ASPRV1: variants seen among roughly 807,000 people sequenced by gnomAD.
ASPRV1 encodes retroviral-like aspartic protease 1.
ASPRV1 carries 7 observed loss-of-function variants against 11.0 expected under a neutral mutation model. The ratio of observed to expected loss-of-function variants is 0.64; its 90% CI spans 0.36 to 1.20. ASPRV1 has a LOEUF of 1.20. Ranked by LOEUF, ASPRV1 falls within the 50% of genes most tolerant of loss-of-function variation. The probability of loss-of-function intolerance (pLI) is 0.02; values close to 1 mark genes in which losing one functional copy is unlikely to be tolerated. For missense variants in ASPRV1, 299 were observed against 320.0 expected (o/e 0.93, Z 0.50); for synonymous variants, 136 against 138.4 (o/e 0.98, Z 0.12).
the ASPRV1 span, among the ~76,000 whole-genome samples, chr2:70,067,402 G>A: frequency 1.1e-4 from 17 of 152,322 alleles, no homozygotes; most frequent in Non-Finnish European, 1.9e-4. Flanking sequence ...GATCTGGGCT[G>A]GAGATTTGGG....
chr2:70,054,928 T>C, the ASPRV1 span, among the ~76,000 whole-genome samples: 5 of 152,192 alleles, frequency 3.3e-5, no homozygotes, highest in African/African-American at 1.2e-4. Flanking sequence ...CCATCATACA[T>C]ACATACATAC....
the ASPRV1 span, among the ~76,000 whole-genome samples, chr2:69,978,828 C>G: frequency 6.6e-6 from 1 of 152,162 alleles, no homozygotes; most frequent in Non-Finnish European, 1.5e-5. Flanking sequence ...AACTCCCAGA[C>G]GATGGGTGAC....
chr2:70,064,585 G>A, the ASPRV1 span, among the ~76,000 whole-genome samples: 2 of 152,192 alleles, frequency 1.3e-5, no homozygotes, highest in South Asian at 2.1e-4. Context: ...ACAATGAAGA[G>A]CACACGCAAA....
chr2:70,037,311 C>T, the ASPRV1 span, among the ~76,000 whole-genome samples: 1 of 152,142 alleles, frequency 6.6e-6, no homozygotes, highest in African/African-American at 2.4e-5. Flanking sequence ...AGCAATCTGC[C>T]TGCCTCAACT....
chr2:69,970,878 T>G, the ASPRV1 span: 1 of 152,140 alleles, frequency 6.6e-6, no homozygotes, highest in Non-Finnish European at 1.5e-5. Context: ...CAAAGTTGCC[T>G]TTTTTTGGCC....
At chr2:70,018,812 A>C in the ASPRV1 span, among the ~76,000 whole-genome samples, 17 of 152,370 alleles carry the variant, frequency 1.1e-4, no homozygotes, top group East Asian at 3.1e-3. Flanking sequence ...CTGAAACTGT[A>C]ACACTACTAG....
At chr2:70,037,792 C>T in the ASPRV1 span, among the ~76,000 whole-genome samples, 1 of 151,412 alleles carries the variant, frequency 6.6e-6, no homozygotes, top group Non-Finnish European at 1.5e-5. Context: ...TAGTGCCATA[C>T]TTCAAAAAAA....
chr2:70,006,873 C>T, the ASPRV1 span, among the ~76,000 whole-genome samples: 2 of 152,120 alleles, frequency 1.3e-5, no homozygotes, highest in African/African-American at 4.8e-5. Flanking sequence ...CACAAGTGCT[C>T]GGGGTCTACA....
the ASPRV1 span, among the ~76,000 whole-genome samples, chr2:70,061,870 G>A: frequency 6.6e-6 from 1 of 151,968 alleles, no homozygotes; most frequent in Admixed American, 6.6e-5. Flanking sequence ...GGCTGAGGCA[G>A]GAGAATCTCT....
Position 69,961,606 on chromosome 2 carries a change from G to A in ASPRV1, c.-170C>T. On this transcript the variant is annotated 5_prime_UTR_variant, in exon 1 of 1. Coordinates refer to ENST00000320256, the MANE Select transcript of ASPRV1 (RefSeq NM_152792.4). ...AGCAGGCGCGGTCGGCTGGCTGACT[G>A]CTGGGGCAGAGGCAGGCAGTGCTGT... The A allele has an allele frequency of 6.2e-7, 1 of 1,611,508 alleles. No individual in the cohort carries two copies. Among genetic ancestry groups the A allele is most frequent in the South Asian group, 1.1e-5 (1 of 90,734 alleles).
chr2:70,022,009 A>ATTTTG, the ASPRV1 span, among the ~76,000 whole-genome samples: 28 of 146,320 alleles, frequency 1.9e-4, no homozygotes, highest in East Asian at 2.1e-4. Context: ...CAGCCAATAC[A>ATTTTG]TTTTGTTTTG....
chr2:69,972,526 T>A, the ASPRV1 span, among the ~76,000 whole-genome samples: 4 of 152,080 alleles, frequency 2.6e-5, no homozygotes, highest in Non-Finnish European at 2.9e-5. Flanking sequence ...CCCGGCTATT[T>A]TTTGTAATTT....
At chr2:70,037,777 G>A in the ASPRV1 span, among the ~76,000 whole-genome samples, 1 of 151,420 alleles carries the variant, frequency 6.6e-6, no homozygotes, top group South Asian at 2.1e-4. Context: ...TATAGTTTCT[G>A]CCTTTAGTGC....
At chr2:69,992,605 C>G in the ASPRV1 span, among the ~76,000 whole-genome samples, 1 of 152,190 alleles carries the variant, frequency 6.6e-6, no homozygotes, top group Non-Finnish European at 1.5e-5. Context: ...TATTCTAATC[C>G]CACTGAAATA....
the ASPRV1 span, chr2:70,070,810 G>GAAAAAAAAAAAAAAAAAAAAAAAAAAA: frequency 6.9e-6 from 1 of 143,938 alleles, no homozygotes. Context: ...AAAAAAAAAG[G>GAAAAAAAAAAAAAAAAAAAAAAAAAAA]AAATGTCCCA....
chr2:69,986,900 G>A, the ASPRV1 span, among the ~76,000 whole-genome samples: 1 of 152,172 alleles, frequency 6.6e-6, no homozygotes. Context: ...GCGTCCTGTC[G>A]CACAGTACAC....
chr2:69,958,108 T>C (rs1264232984), downstream of ASPRV1, among the ~76,000 whole-genome samples: 2 of 152,122 alleles, frequency 1.3e-5, no homozygotes, highest in Non-Finnish European at 2.9e-5. Flanking sequence ...CCCGGGCTTC[T>C]CTGTTGTTTG....
the ASPRV1 span, among the ~76,000 whole-genome samples, chr2:69,985,002 A>C: frequency 6.6e-6 from 1 of 151,684 alleles, no homozygotes; most frequent in Admixed American, 6.6e-5. Flanking sequence ...GACTACAGGC[A>C]CCCACCACCA....
the ASPRV1 span, among the ~76,000 whole-genome samples, chr2:70,080,686 C>T: frequency 6.6e-6 from 1 of 152,198 alleles, no homozygotes; most frequent in African/African-American, 2.4e-5. Flanking sequence ...AAGCCTTTAA[C>T]TTTCTGTGCT....
Sources: allele counts gnomAD v4.1 joint callset (sites outside exome capture counted in the v4.1 genomes callset), GRCh38; gene constraint gnomAD v4.1.1; transcripts MANE v1.5; gene names NCBI Gene and HGNC (gene_info 2026-07-23, HGNC 2026-07-21).